FBXW7: variants seen among roughly 807,000 people sequenced by gnomAD.
The protein encoded by FBXW7 is F-box and WD repeat domain containing 7.
Under a neutral mutation model 86.3 loss-of-function variants are expected in FBXW7, and 11 were observed. The ratio of observed to expected loss-of-function variants is 0.13; its 90% CI spans 0.08 to 0.21. FBXW7 has a LOEUF of 0.21. FBXW7 is among the 10% of genes least tolerant of loss of function. The pLI is 1.00. For missense variants in FBXW7, 488 were observed against 847.4 expected, an observed-to-expected ratio of 0.58 and a Z score of 5.27; for synonymous variants, 313 against 297.9, an observed-to-expected ratio of 1.05 and a Z score of -0.52.
At position 152,535,805 on chromosome 4, in the gene FBXW7, CGGCTCCGGCTCAGGCTCG is replaced by C. The variant is rs1318548590; in HGVS notation, c.-909_-892del. 6.4e-5 allele frequency: 25 copies of C among 392,816 alleles called. No homozygotes were observed. The highest frequency in any genetic ancestry group is 9.0e-5 in the Admixed American group (2 of 22,316). 24.3% of individuals were successfully genotyped at this position (392,816 alleles called of 1,614,324 possible). A position where few individuals can be genotyped will look rare whatever the true frequency, so the allele number is the denominator to read the frequency against. On this transcript the variant is annotated 5_prime_UTR_variant, in exon 1 of 14. Transcript: ENST00000281708. ...GCCGCCTCCCTGCCCCCCAAGCCGC[CGGCTCCGGCTCAGGCTCG>C]GGCTCCGGCTCTGGCTCCGGCTCCG...
chr4:152,510,316 A>G (rs965102656), intron 2 of FBXW7, among the ~76,000 whole-genome samples: 1 of 152,226 alleles, frequency 6.6e-6, no homozygotes, highest in Non-Finnish European at 1.5e-5. Flanking sequence ...TGGAAGAACA[A>G]CTGCTGATTC....
intron 4 of FBXW7, among the ~76,000 whole-genome samples, chr4:152,402,803 TCTC>T (rs1560853438): frequency 6.6e-6 from 1 of 152,186 alleles, no homozygotes; most frequent in Non-Finnish European, 1.5e-5. Context: ...GCAGCAATCT[TCTC>T]CTATGAAAAG....
Position 152,330,720 on chromosome 4 carries a change from G to C in FBXW7, c.1122+12C>G, listed in dbSNP as rs755882254. On this transcript the variant is annotated intron_variant, in intron 9 of 13. Transcript: ENST00000281708. ...TTAACGGTTTCTGTTACATTGTGCA[G>C]AGTTCAGTTACCTTAGGAGATTTGA... 5.0e-6 allele frequency: 8 copies of C among 1,610,270 alleles called. No homozygotes were observed. The South Asian group carries it at 6.6e-5, about 13-fold the overall frequency.
chr4:152,509,504 T>C (rs1408694380), intron 2 of FBXW7, among the ~76,000 whole-genome samples: 2 of 152,078 alleles, frequency 1.3e-5, no homozygotes, highest in Admixed American at 6.5e-5. Flanking sequence ...CAGACTTTCA[T>C]GGTAATAACA....
intron 2 of FBXW7, among the ~76,000 whole-genome samples, chr4:152,519,069 T>C (rs562430692): frequency 1.2e-4 from 18 of 152,216 alleles, no homozygotes; most frequent in Admixed American, 3.3e-4. Context: ...GAGGTGAAGG[T>C]GGGTGGATCA....
At chr4:152,529,667 T>C (rs1332176389) in intron 2 of FBXW7, among the ~76,000 whole-genome samples, 1 of 152,062 alleles carries the variant, frequency 6.6e-6, no homozygotes, top group African/African-American at 2.4e-5. Flanking sequence ...GATTCACTCT[T>C]AAAAATATAG....
At chr4:152,422,929 ATTCTT>A (rs1365601758) in intron 2 of FBXW7, among the ~76,000 whole-genome samples, 3 of 152,114 alleles carry the variant, frequency 2.0e-5, no homozygotes, top group Admixed American at 6.5e-5. Context: ...TTTATTTTCC[ATTCTT>A]TTCTTTTTCT....
intron 4 of FBXW7, among the ~76,000 whole-genome samples, chr4:152,381,657 G>A (rs995007075): frequency 2.0e-5 from 3 of 151,930 alleles, no homozygotes; most frequent in Non-Finnish European, 4.4e-5. Flanking sequence ...AAACCATATC[G>A]TAACTGCCAC....
Position 152,321,748 on chromosome 4 carries a change from G to A in FBXW7, c.*1133C>T, listed in dbSNP as rs1414018948. 9 of 232,620 alleles carry A rather than the reference G, an allele frequency of 3.9e-5. No homozygotes were observed. Among genetic ancestry groups the A allele is most frequent in the African/African-American group, 1.1e-4 (5 of 45,224 alleles). The allele number at this position is 232,620 out of a possible 1,614,324, so 14.4% of individuals were successfully genotyped here. On this transcript the variant is annotated 3_prime_UTR_variant, in exon 14 of 14. Transcript: ENST00000281708. ...ATATTTTGTCAGTTTTACGATGTAC[G>A]TTCATCCATTCACCACAGCCCTCAA...
chr4:152,407,323 T>C (rs1029205938), intron 4 of FBXW7, among the ~76,000 whole-genome samples: 3 of 152,204 alleles, frequency 2.0e-5, no homozygotes, highest in Non-Finnish European at 2.9e-5. Flanking sequence ...GTAGGGGACA[T>C]GGCTATTCAT....
At chr4:152,453,856 G>C (rs926772804) in intron 2 of FBXW7, among the ~76,000 whole-genome samples, 5 of 152,022 alleles carry the variant, frequency 3.3e-5, no homozygotes, top group African/African-American at 1.2e-4. Flanking sequence ...GTGGAGAAAG[G>C]AGTATAATGA....
intron 2 of FBXW7, among the ~76,000 whole-genome samples, chr4:152,453,777 G>A (rs1742134825): frequency 6.6e-6 from 1 of 152,132 alleles, no homozygotes; most frequent in African/African-American, 2.4e-5. Flanking sequence ...TTTTCAGCAT[G>A]TGTTAGTTTC....
chr4:152,499,090 C>T (rs1176525561), intron 2 of FBXW7, among the ~76,000 whole-genome samples: 1 of 152,034 alleles, frequency 6.6e-6, no homozygotes, highest in African/African-American at 2.4e-5. Flanking sequence ...AGATATGATG[C>T]CAGGAAAAAT....
chr4:152,354,075 A>C (rs1353696176), intron 4 of FBXW7, among the ~76,000 whole-genome samples: 1 of 152,168 alleles, frequency 6.6e-6, no homozygotes, highest in South Asian at 2.1e-4. Context: ...TCATAATTTT[A>C]AAAATAAAAA....
chr4:152,436,215 A>G (rs1740367692), intron 2 of FBXW7, among the ~76,000 whole-genome samples: 1 of 152,246 alleles, frequency 6.6e-6, no homozygotes, highest in Non-Finnish European at 1.5e-5. Flanking sequence ...CATAAATGAT[A>G]AGAAAGTGAA....
chr4:152,346,852 C>CT (rs1418840231), intron 6 of FBXW7, 78 bp downstream of exon 6: 9 of 1,568,072 alleles, frequency 5.7e-6, no homozygotes, highest in East Asian at 2.2e-5. Flanking sequence ...GTGTTTCCTT[C>CT]TTTTTTTACG....
Position 152,451,283 on chromosome 4 carries a change from A to T in FBXW7, c.-119-38754T>A, listed in dbSNP as rs932905891. ...TAAAGTTGCTTTCCCCTTTAATTGC[A>T]AGTAACTGTCAAAACTTGTTTTAAA... On this transcript the variant is annotated intron_variant, in intron 2 of 13. Transcript: ENST00000281708. Among the ~76,000 whole-genome samples, 6 of 152,324 alleles carry T rather than the reference A, an allele frequency of 3.9e-5. No homozygotes were observed. In the South Asian group the frequency reaches 1.2e-3, roughly 32 times the overall value.
At chr4:152,428,028 T>TA (rs1009607276) in intron 2 of FBXW7, among the ~76,000 whole-genome samples, 7 of 152,132 alleles carry the variant, frequency 4.6e-5, no homozygotes, top group Non-Finnish European at 8.8e-5. Flanking sequence ...TCTTGCCACC[T>TA]AAAAAGAGTT....
intron 4 of FBXW7, among the ~76,000 whole-genome samples, chr4:152,402,137 TAA>T (rs1367862872): frequency 6.6e-6 from 1 of 152,078 alleles, no homozygotes; most frequent in Non-Finnish European, 1.5e-5. Flanking sequence ...CAAATAATAA[TAA>T]GACTATTATT....
Sources: allele counts gnomAD v4.1 joint callset (sites outside exome capture counted in the v4.1 genomes callset), GRCh38; gene constraint gnomAD v4.1.1; transcripts MANE v1.5; gene names NCBI Gene and HGNC (gene_info 2026-07-23, HGNC 2026-07-21).